Variants in AGBL2 observed in about 807,000 individuals in gnomAD.
AGBL2 encodes cytosolic carboxypeptidase 2.
A neutral mutation model predicts 103.0 loss-of-function variants in AGBL2; 87 were observed. The observed-to-expected ratio is 0.84, with a 90% CI of 0.71 to 1.01. The LOEUF (loss-of-function observed/expected upper bound fraction) is 1.01, where lower values mean the gene tolerates loss of function less well. Among genes scored for constraint, AGBL2 ranks in the 50% least tolerant of loss-of-function variants. AGBL2 has a pLI of 0.00. For synonymous variants in AGBL2, 335 were observed against 356.7 expected (o/e 0.94, Z 0.69); for missense variants, 904 against 1,023.5 (o/e 0.88, Z 1.59).
intron 3 of AGBL2, 176 bp downstream of exon 3, chr11:47,714,108 G>A (rs1227991018): frequency 5.0e-6 from 3 of 595,110 alleles, no homozygotes; most frequent in Non-Finnish European, 9.0e-6. Context: ...ACTTGACAGA[G>A]GTGACCCGCA....
rs1319744093 is a variant in AGBL2 at position 47,714,163 on chromosome 11, A to C, written c.97+121T>G. ...TACTTTTCACTAATGGTAGAGGAAAAAGTATTTATTTGTCAATGCAAATTA... is the reference window on the plus strand; with the variant it reads ...TACTTTTCACTAATGGTAGAGGAAACAGTATTTATTTGTCAATGCAAATTA... On this transcript the variant is annotated intron_variant, in intron 3 of 18. Transcript: ENST00000525123. 2.7e-6 allele frequency: 2 copies of C among 729,610 alleles called. 1 individual carries two copies. Among genetic ancestry groups the C allele is most frequent in the East Asian group, 5.3e-5 (2 of 37,554 alleles). 45.2% of individuals were successfully genotyped at this position (729,610 alleles called of 1,614,324 possible).
rs1418822080 is a variant in AGBL2 at position 47,675,384 on chromosome 11, T to TG, written c.2147+1886_2147+1887insC. On this transcript the variant is annotated intron_variant, in intron 14 of 18. Coordinates refer to ENST00000525123, the MANE Select transcript of AGBL2 (RefSeq NM_024783.4). ...CCCGACCCCCTGCTAAGTTTTTTTTTTTTTTTTTTTTTTTTTTGAGACCAG... is the reference window on the plus strand; with the variant it reads ...CCCGACCCCCTGCTAAGTTTTTTTTTGTTTTTTTTTTTTTTTTTGAGACCAG... Among the ~76,000 whole-genome samples, 47 of 127,420 alleles carry TG rather than the reference T, an allele frequency of 3.7e-4. 1 individual carries two copies. The highest frequency in any genetic ancestry group is 1.4e-3 in the African/African-American group (47 of 34,064). The allele number at this position is 127,420 out of a possible 152,430, so 83.6% of individuals were successfully genotyped here.
intron 11 of AGBL2, among the ~76,000 whole-genome samples, chr11:47,685,032 C>A (rs2097418457): frequency 6.7e-6 from 1 of 149,564 alleles, no homozygotes; most frequent in South Asian, 2.2e-4. Context: ...CGTGGTGAAA[C>A]CCCGTCTCCA....
chr11:47,675,744 G>A (rs1230007162), intron 14 of AGBL2, among the ~76,000 whole-genome samples: 9 of 152,120 alleles, frequency 5.9e-5, no homozygotes, highest in African/African-American at 2.2e-4. Flanking sequence ...GGTGTCTCAC[G>A]CTTGTAATCG....
At chr11:47,683,955 A>T (rs1284777603) in intron 11 of AGBL2, among the ~76,000 whole-genome samples, 1 of 151,410 alleles carries the variant, frequency 6.6e-6, no homozygotes, top group Non-Finnish European at 1.5e-5. Context: ...AACTTAAAAA[A>T]ATCCAGTCTA....
Position 47,659,844 on chromosome 11 carries a change from C to A in AGBL2, c.*329G>T, listed in dbSNP as rs1189754273. ...TTTGATTTTTAAAAATTGATTTGCA[C>A]ATAATTTTAGAGAGAATATCTATTG... On this transcript the variant is annotated 3_prime_UTR_variant, in exon 19 of 19. Transcript: ENST00000525123. 5.1e-6 allele frequency: 1 copy of A among 195,490 alleles called. No individual in the cohort carries two copies. The highest frequency in any genetic ancestry group is 6.0e-5 in the Admixed American group (1 of 16,624). 12.1% of individuals were successfully genotyped at this position (195,490 alleles called of 1,614,324 possible).
Position 47,690,442 on chromosome 11 carries a change from A to C in AGBL2, c.1265T>G (p.Leu422Arg). 1 of 1,614,094 alleles carries C rather than the reference A, an allele frequency of 6.2e-7. No homozygotes were observed. Among genetic ancestry groups the C allele is most frequent in the Non-Finnish European group, 8.5e-7 (1 of 1,180,022 alleles). The change falls in exon 10 of 19, where the codon CTC becomes CGC. Residue 422 changes from leucine (L) to arginine (R), a missense_variant. Transcript: ENST00000525123. Reference protein sequence around the residue: ...NNPIQSQFCKLQTLCRSLAGN... With the variant: ...NNPIQSQFCKRQTLCRSLAGN... ...TGCTAGGCTCCTGCATAAAGTTTGG[A>C]GCTTGCAGAACTGAGACTGGATAGG... is the stretch of plus-strand genomic sequence containing the variant.
At chr11:47,676,725 C>T (rs1050170203) in intron 14 of AGBL2, among the ~76,000 whole-genome samples, 1 of 149,396 alleles carries the variant, frequency 6.7e-6, no homozygotes, top group Non-Finnish European at 1.5e-5. Context: ...AGGCTGAGCC[C>T]GGAGAATGGC....
Position 47,684,205 on chromosome 11 carries a change from G to A in AGBL2, c.1788+1688C>T, listed in dbSNP as rs548122975. ...GGAGAATTGCTTGAACCCGGGAGGC[G>A]GAGGTTGCAGTGAGTGGAGATCGTG... is the stretch of plus-strand genomic sequence containing the variant. On this transcript the variant is annotated intron_variant, in intron 11 of 18. Coordinates refer to ENST00000525123, the MANE Select transcript of AGBL2 (RefSeq NM_024783.4). 1.1e-4 allele frequency among the ~76,000 whole-genome samples: 16 copies of A among 152,078 alleles called. No homozygotes were observed. In the East Asian group the frequency reaches 1.2e-3, roughly 11 times the overall value.
intron 13 of AGBL2, among the ~76,000 whole-genome samples, 176 bp downstream of exon 13, chr11:47,679,797 C>T (rs1288211683): frequency 3.3e-5 from 5 of 151,894 alleles, no homozygotes; most frequent in South Asian, 2.1e-4. Context: ...CATGCCACCA[C>T]GACCAGCTAA....
intron 10 of AGBL2, among the ~76,000 whole-genome samples, chr11:47,687,018 A>G (rs2153804018): frequency 6.8e-6 from 1 of 146,762 alleles, no homozygotes; most frequent in East Asian, 2.0e-4. Context: ...TAGGAGATAT[A>G]CCTAATGCTA....
Position 47,690,814 on chromosome 11 carries a change from G to C in AGBL2, c.893C>G (p.Thr298Ser). Residue 298 changes from threonine to serine, a missense_variant, in exon 10 of 19, where the codon ACT (threonine) becomes AGT (serine). Thr to Ser is a moderately conservative substitution (Grantham distance 58). Coordinates refer to ENST00000525123, the MANE Select transcript of AGBL2 (RefSeq NM_024783.4). Reference sequence around the variant, plus strand: ...ATAAAACCACTGAGTGTGTTTGTTAGTGTAGAGGTCAGTTCGCAAGGTGAG... The same window carrying C: ...ATAAAACCACTGAGTGTGTTTGTTACTGTAGAGGTCAGTTCGCAAGGTGAG... ...YELTLRTDLYTNKHTQWFYFR... is the reference protein window; with the variant it reads ...YELTLRTDLYSNKHTQWFYFR... 1 of 1,613,536 alleles carries C rather than the reference G, an allele frequency of 6.2e-7. No homozygotes were observed. Among genetic ancestry groups the C allele is most frequent in the Non-Finnish European group, 8.5e-7 (1 of 1,180,006 alleles).
At chr11:47,660,650 C>A (rs2097325591) in intron 18 of AGBL2, among the ~76,000 whole-genome samples, 1 of 151,302 alleles carries the variant, frequency 6.6e-6, no homozygotes, top group Non-Finnish European at 1.5e-5. Flanking sequence ...GCCTTCTGGG[C>A]TCAAGCAATT....
At chr11:47,701,770 C>T (rs1017750621) in intron 7 of AGBL2, among the ~76,000 whole-genome samples, 11 of 151,846 alleles carry the variant, frequency 7.2e-5, no homozygotes, top group Non-Finnish European at 4.4e-5. Context: ...GTCATGAGTT[C>T]GAGACCAGCC....
chr11:47,671,035 A>T (rs1266292804), intron 14 of AGBL2, among the ~76,000 whole-genome samples: 1 of 152,108 alleles, frequency 6.6e-6, no homozygotes, highest in Non-Finnish European at 1.5e-5. Context: ...ACTAATCTAA[A>T]GTCTTCCCTC....
intron 14 of AGBL2, among the ~76,000 whole-genome samples, chr11:47,676,986 A>G (rs758930185): frequency 1.3e-5 from 2 of 152,102 alleles, no homozygotes; most frequent in Non-Finnish European, 2.9e-5. Flanking sequence ...TCTAATGGCT[A>G]AAACAGAGGC....
intron 7 of AGBL2, among the ~76,000 whole-genome samples, chr11:47,703,654 G>C (rs1310049840): frequency 1.3e-5 from 2 of 151,932 alleles, no homozygotes; most frequent in Non-Finnish European, 2.9e-5. Flanking sequence ...GCCGGGTGTG[G>C]TGGCTCACAT....
rs1554967436 is a variant in AGBL2, at chr11:47,705,652, A to AG, written c.287-19_287-18insC. ...GTGAAAGTCTGTGTCAAAAAAAAAA[A>AG]AAAAAGAAAAAGAAAAAGAAGAAAG... On this transcript the variant is annotated intron_variant, in intron 5 of 18. Coordinates refer to ENST00000525123, the MANE Select transcript of AGBL2 (RefSeq NM_024783.4). 7 of 587,022 alleles carry AG rather than the reference A, an allele frequency of 1.2e-5. No individual in the cohort carries two copies. In the South Asian group the frequency reaches 1.3e-4, roughly 11 times the overall value. 36.4% of individuals were successfully genotyped at this position (587,022 alleles called of 1,614,324 possible).
chr11:47,710,229 G>T (rs1301865316), intron 4 of AGBL2, 148 bp downstream of exon 4: 1 of 933,624 alleles, frequency 1.1e-6, no homozygotes, highest in Non-Finnish European at 1.6e-6. Flanking sequence ...ATCCAAAGTA[G>T]ATTTAGAGAG....
Sources: gnomAD v4.1 joint callset for allele counts (sites outside exome capture counted in the v4.1 genomes callset) on GRCh38, gnomAD v4.1.1 for gene constraint, MANE v1.5 for transcripts, NCBI Gene and HGNC (gene_info 2026-07-23, HGNC 2026-07-21) for gene names.